Variants in RPS6KC1 observed in about 807,000 individuals in gnomAD.
RPS6KC1 encodes the protein inactive ribosomal protein S6 kinase delta-1.
In RPS6KC1, 54 loss-of-function variants were observed where a neutral mutation model predicts 103.8. The observed-to-expected ratio is 0.52, with a 90% CI of 0.42 to 0.65. The LOEUF is 0.65. Among genes scored for constraint, RPS6KC1 ranks in the 30% least tolerant of loss-of-function variants. The pLI is 0.00. For synonymous variants in RPS6KC1, 439 were observed against 438.7 expected (o/e 1.00, Z -0.01); for missense variants, 1,151 against 1,253.8 (o/e 0.92, Z 1.24).
chr1:213,223,872 A>C (rs2093897129), intron 8 of RPS6KC1, among the ~76,000 whole-genome samples: 1 of 152,218 alleles, frequency 6.6e-6, no homozygotes, highest in African/African-American at 2.4e-5. Flanking sequence ...CCCATGAAGT[A>C]ACTGGCACTA....
chr1:213,419,413 C>A, the RPS6KC1 span, among the ~76,000 whole-genome samples: 1 of 152,132 alleles, frequency 6.6e-6, no homozygotes. Flanking sequence ...TGTGCTGGGT[C>A]CTACCTAGTA....
the RPS6KC1 span, among the ~76,000 whole-genome samples, chr1:213,441,345 C>T: frequency 6.6e-6 from 1 of 152,120 alleles, no homozygotes; most frequent in Non-Finnish European, 1.5e-5. Flanking sequence ...TCCTTAGTCT[C>T]TTTTAAAAAC....
At chr1:213,317,941 C>T in the RPS6KC1 span, among the ~76,000 whole-genome samples, 1 of 152,354 alleles carries the variant, frequency 6.6e-6, no homozygotes. Flanking sequence ...AGGGCTGTCC[C>T]AGGCAACTGT....
chr1:213,259,714 A>G (rs192102674), intron 12 of RPS6KC1, among the ~76,000 whole-genome samples: 1 of 145,992 alleles, frequency 6.8e-6, no homozygotes, highest in Admixed American at 6.8e-5. Flanking sequence ...ACTTAAGTAT[A>G]TGTAGGTGTT....
chr1:213,051,332 C>A lies in RPS6KC1; in HGVS notation c.-73C>A. The A allele has an allele frequency of 8.2e-7, 1 of 1,216,464 alleles. No homozygotes were observed. Among genetic ancestry groups the A allele is most frequent in the Non-Finnish European group, 1.2e-6 (1 of 833,200 alleles). 75.4% of individuals were successfully genotyped at this position (1,216,464 alleles called of 1,614,324 possible). On this transcript the variant is annotated 5_prime_UTR_variant, in exon 1 of 15. Transcript: ENST00000366960. Reference sequence around the variant, plus strand: ...GCCGCTTCGCCGCTGCGTTGGGGAACCTGGACCGCGGCGGCGCCGGGTTTC... The same window carrying A: ...GCCGCTTCGCCGCTGCGTTGGGGAAACTGGACCGCGGCGGCGCCGGGTTTC...
At chr1:213,730,754 T>C in the RPS6KC1 span, among the ~76,000 whole-genome samples, 6 of 152,246 alleles carry the variant, frequency 3.9e-5, no homozygotes, top group African/African-American at 7.2e-5. Context: ...TTTCTTTTTC[T>C]GTGCAGAAGC....
intron 1 of RPS6KC1, among the ~76,000 whole-genome samples, chr1:213,069,070 A>T (rs973816636): frequency 1.3e-5 from 2 of 151,954 alleles, no homozygotes; most frequent in African/African-American, 4.8e-5. Context: ...TAATACAAAA[A>T]TTTTTTTGAA....
the RPS6KC1 span, among the ~76,000 whole-genome samples, chr1:213,422,920 G>A: frequency 1.3e-5 from 2 of 152,212 alleles, no homozygotes; most frequent in Non-Finnish European, 2.9e-5. Context: ...CGGTGACCCA[G>A]GACACATTAG....
chr1:213,640,029 T>C, the RPS6KC1 span, among the ~76,000 whole-genome samples: 3 of 152,136 alleles, frequency 2.0e-5, no homozygotes, highest in East Asian at 5.8e-4. Flanking sequence ...ATCTGGAGTT[T>C]CTGTTCTGAA....
the RPS6KC1 span, among the ~76,000 whole-genome samples, chr1:213,367,795 A>T: frequency 6.7e-6 from 1 of 149,940 alleles, no homozygotes; most frequent in East Asian, 1.9e-4. Flanking sequence ...TTGAAACTCT[A>T]ACTGGCTTAA....
chr1:213,213,388 G>A (rs1340519834), intron 8 of RPS6KC1, among the ~76,000 whole-genome samples: 1 of 152,094 alleles, frequency 6.6e-6, no homozygotes, highest in Non-Finnish European at 1.5e-5. Context: ...CTCCTTCTGG[G>A]CTCTCTGTTC....
intron 8 of RPS6KC1, among the ~76,000 whole-genome samples, chr1:213,219,963 A>T (rs767696615): frequency 2.0e-5 from 3 of 152,110 alleles, no homozygotes; most frequent in Admixed American, 1.3e-4. Flanking sequence ...CATATGTAAC[A>T]AACCTGCACG....
chr1:213,671,400 T>C, the RPS6KC1 span, among the ~76,000 whole-genome samples: 10,712 of 152,098 alleles, frequency 0.07, 1,123 homozygotes, highest in African/African-American at 0.23. Context: ...GGGGAGATGT[T>C]GGTCAGTGGG....
chr1:213,799,911 A>T, the RPS6KC1 span, among the ~76,000 whole-genome samples: 1 of 152,146 alleles, frequency 6.6e-6, no homozygotes, highest in Non-Finnish European at 1.5e-5. Context: ...AGTTCTGGGA[A>T]TTAAGGTACC....
At chr1:213,717,657 TG>T in the RPS6KC1 span, among the ~76,000 whole-genome samples, 1 of 152,248 alleles carries the variant, frequency 6.6e-6, no homozygotes. Context: ...GAGGGATTGA[TG>T]TCATCAAATA....
At chr1:213,570,602 T>A in the RPS6KC1 span, among the ~76,000 whole-genome samples, 1 of 152,190 alleles carries the variant, frequency 6.6e-6, no homozygotes, top group South Asian at 2.1e-4. Flanking sequence ...ACTTTTCATT[T>A]CCTCTATAAT....
intron 9 of RPS6KC1, 24 bp from the exon 10 acceptor site, chr1:213,232,099 A>G (rs1407326381): frequency 6.2e-6 from 10 of 1,605,206 alleles, no homozygotes; most frequent in East Asian, 4.5e-5. Flanking sequence ...TGAGGATACA[A>G]CTGACCTTTT....
chr1:213,152,886 G>A (rs962050365), intron 6 of RPS6KC1, among the ~76,000 whole-genome samples: 1 of 152,256 alleles, frequency 6.6e-6, no homozygotes, highest in Admixed American at 6.5e-5. Flanking sequence ...GGCCAAGGCA[G>A]GCGGCTGGGA....
At chr1:213,315,448 G>C in the RPS6KC1 span, among the ~76,000 whole-genome samples, 1 of 152,310 alleles carries the variant, frequency 6.6e-6, no homozygotes, top group African/African-American at 2.4e-5. Flanking sequence ...ATGTTTCCTA[G>C]TTTAACATAA....
Sources: allele counts gnomAD v4.1 joint callset (sites outside exome capture counted in the v4.1 genomes callset), GRCh38; gene constraint gnomAD v4.1.1; transcripts MANE v1.5; gene names NCBI Gene and HGNC (gene_info 2026-07-23, HGNC 2026-07-21).